Variants in CSGALNACT1 observed in about 807,000 individuals in gnomAD.
The protein encoded by CSGALNACT1 is beta4GalNAcT-1.
In CSGALNACT1, 52 loss-of-function variants were observed where a neutral mutation model predicts 51.0. The ratio of observed to expected loss-of-function variants is 1.02; its 90% CI spans 0.82 to 1.29. CSGALNACT1 has a LOEUF of 1.29. Ranked by LOEUF, CSGALNACT1 falls within the 50% of genes most tolerant of loss-of-function variation. The pLI, the probability that CSGALNACT1 is intolerant of heterozygous loss-of-function variation, is 0.00. For synonymous variants in CSGALNACT1, 341 were observed against 254.4 expected (o/e 1.34, Z -3.24); for missense variants, 935 against 679.2 (o/e 1.38, Z -4.19).
At chr8:19,672,964 A>ATCTCACT (rs1263074019) in intron 1 of CSGALNACT1, among the ~76,000 whole-genome samples, 3 of 152,232 alleles carry the variant, frequency 2.0e-5, no homozygotes, top group Admixed American at 6.5e-5. Flanking sequence ...TAACCACTGT[A>ATCTCACT]TCTCACTGCT....
chr8:19,476,561 A>T (rs1330137678), intron 4 of CSGALNACT1, among the ~76,000 whole-genome samples: 2 of 152,082 alleles, frequency 1.3e-5, no homozygotes, highest in East Asian at 1.9e-4. Flanking sequence ...TTTTTTTTCA[A>T]ATCAGTCATG....
intron 1 of CSGALNACT1, among the ~76,000 whole-genome samples, chr8:19,695,369 G>A (rs1247249519): frequency 6.6e-6 from 1 of 152,088 alleles, no homozygotes; most frequent in Non-Finnish European, 1.5e-5. Flanking sequence ...TTTAGCCTGT[G>A]GGTCTCATCC....
At chr8:19,670,574 G>T (rs1276242157) in intron 1 of CSGALNACT1, among the ~76,000 whole-genome samples, 1 of 133,916 alleles carries the variant, frequency 7.5e-6, no homozygotes, top group Non-Finnish European at 1.5e-5. Flanking sequence ...TTTATACACA[G>T]GAAACCAAGG....
intron 1 of CSGALNACT1, among the ~76,000 whole-genome samples, chr8:19,709,657 G>T (rs549436982): frequency 5.8e-4 from 88 of 152,332 alleles, no homozygotes; most frequent in African/African-American, 2.0e-3. Flanking sequence ...TTTCCAAGTG[G>T]TGCTTCTCAA....
chr8:19,689,347 A>T (rs572191875), intron 1 of CSGALNACT1, among the ~76,000 whole-genome samples: 1 of 152,112 alleles, frequency 6.6e-6, no homozygotes, highest in African/African-American at 2.4e-5. Context: ...CTGGACCCCA[A>T]CTGAGCTCTG....
chr8:19,548,094 T>C (rs2086920998), intron 3 of CSGALNACT1, among the ~76,000 whole-genome samples: 1 of 152,226 alleles, frequency 6.6e-6, no homozygotes, highest in Non-Finnish European at 1.5e-5. Context: ...TTGGATTAAG[T>C]ATTAAATGTT....
At chr8:19,429,102 A>G (rs1479489898) in intron 6 of CSGALNACT1, among the ~76,000 whole-genome samples, 5 of 151,854 alleles carry the variant, frequency 3.3e-5, no homozygotes, top group Admixed American at 3.3e-4. Context: ...CTCTTAATCT[A>G]CTTTCTGTCT....
chr8:19,498,989 A>G (rs530106452), intron 4 of CSGALNACT1, among the ~76,000 whole-genome samples: 4 of 152,206 alleles, frequency 2.6e-5, no homozygotes, highest in South Asian at 4.1e-4. Flanking sequence ...GGTGGTACAC[A>G]CCTGTAGCCC....
At chr8:19,475,733 T>G (rs2069432289) in intron 4 of CSGALNACT1, among the ~76,000 whole-genome samples, 1 of 152,240 alleles carries the variant, frequency 6.6e-6, no homozygotes, top group South Asian at 2.1e-4. Context: ...CAGAATAATC[T>G]GCTCAGAACG....
intron 3 of CSGALNACT1, among the ~76,000 whole-genome samples, chr8:19,544,801 T>G (rs2086084331): frequency 6.6e-6 from 1 of 152,224 alleles, no homozygotes; most frequent in Admixed American, 6.5e-5. Context: ...TCATTTATCT[T>G]GCTGGAAAAA....
At chr8:19,672,717 G>GCAT (rs33984189) in intron 1 of CSGALNACT1, among the ~76,000 whole-genome samples, 135,422 of 152,012 alleles carry the variant, frequency 0.89, 60,672 homozygotes, top group African/African-American at 0.97. Context: ...TCCAACCATA[G>GCAT]TATTTAGCTG....
intron 6 of CSGALNACT1, among the ~76,000 whole-genome samples, chr8:19,430,475 C>T (rs2059488222): frequency 6.6e-6 from 1 of 152,094 alleles, no homozygotes; most frequent in African/African-American, 2.4e-5. Flanking sequence ...ATGATTCTTT[C>T]CCCCATATGA....
At chr8:19,507,560 TA>T (rs2077601364) in intron 3 of CSGALNACT1, among the ~76,000 whole-genome samples, 1 of 133,682 alleles carries the variant, frequency 7.5e-6, no homozygotes, top group African/African-American at 3.0e-5. Flanking sequence ...AAAGAATGAT[TA>T]ATGGAAAATA....
chr8:19,438,990 G>A (rs1447603434), intron 6 of CSGALNACT1, among the ~76,000 whole-genome samples: 2 of 152,180 alleles, frequency 1.3e-5, no homozygotes, highest in Non-Finnish European at 2.9e-5. Context: ...CTCAGACTAT[G>A]TCTGCCCCTG....
intron 9 of CSGALNACT1, among the ~76,000 whole-genome samples, chr8:19,407,198 A>T (rs1054222830): frequency 1.4e-5 from 2 of 143,378 alleles, no homozygotes; most frequent in Admixed American, 6.9e-5. Flanking sequence ...TTTTTTTTTT[A>T]AATCTTTAAC....
At chr8:19,443,410 C>T (rs2061633939) in intron 5 of CSGALNACT1, among the ~76,000 whole-genome samples, 1 of 152,172 alleles carries the variant, frequency 6.6e-6, no homozygotes, top group Non-Finnish European at 1.5e-5. Flanking sequence ...AGTCTATTCT[C>T]ATGCTGCTAA....
At chr8:19,628,230 T>C (rs879579102) in intron 1 of CSGALNACT1, among the ~76,000 whole-genome samples, 1 of 152,132 alleles carries the variant, frequency 6.6e-6, no homozygotes, top group Non-Finnish European at 1.5e-5. Context: ...AGACTCACAG[T>C]TCCACATGGC....
At chr8:19,643,069 G>A (rs576385665) in intron 1 of CSGALNACT1, among the ~76,000 whole-genome samples, 2 of 151,088 alleles carry the variant, frequency 1.3e-5, no homozygotes, top group South Asian at 2.1e-4. Flanking sequence ...AAATATACAC[G>A]ACTACTTAAA....
At chr8:19,487,263 T>C (rs1201999811) in intron 4 of CSGALNACT1, among the ~76,000 whole-genome samples, 2 of 152,106 alleles carry the variant, frequency 1.3e-5, no homozygotes, top group African/African-American at 4.8e-5. Context: ...ACAATTTCAC[T>C]CCCACCAACA....
Sources: allele counts gnomAD v4.1 joint callset (sites outside exome capture counted in the v4.1 genomes callset), GRCh38; gene constraint gnomAD v4.1.1; transcripts MANE v1.5; gene names NCBI Gene and HGNC (gene_info 2026-07-23, HGNC 2026-07-21).